SCARA5: variants seen among roughly 807,000 people sequenced by gnomAD.
The protein encoded by SCARA5 is scavenger receptor class A, member 5 (putative).
SCARA5 carries 45 observed loss-of-function variants against 46.3 expected under a neutral mutation model. The observed-to-expected ratio is 0.97, with a 90% CI of 0.76 to 1.24. The LOEUF is 1.24. Ranked by LOEUF, SCARA5 falls within the 50% of genes most tolerant of loss-of-function variation. SCARA5 has a pLI of 0.00. For synonymous variants in SCARA5, 333 were observed against 306.5 expected (o/e 1.09, Z -0.90); for missense variants, 680 against 689.0 (o/e 0.99, Z 0.15).
chr8:27,988,479 C>T (rs943596184), intron 1 of SCARA5, among the ~76,000 whole-genome samples: 38 of 152,266 alleles, frequency 2.5e-4, no homozygotes, highest in Middle Eastern at 3.4e-3. Flanking sequence ...GACATGCACG[C>T]GTAAGGTGCG....
chr8:27,991,103 A>C (rs967026215), intron 1 of SCARA5, among the ~76,000 whole-genome samples: 1 of 152,216 alleles, frequency 6.6e-6, no homozygotes, highest in Non-Finnish European at 1.5e-5. Context: ...CACAGAAGCC[A>C]AGGGCTCCCA....
At chr8:27,967,975 G>A (rs1405448185) in intron 2 of SCARA5, among the ~76,000 whole-genome samples, 1 of 152,106 alleles carries the variant, frequency 6.6e-6, no homozygotes, top group East Asian at 1.9e-4. Context: ...GGCAGAAAAA[G>A]GTTGTCAAGA....
chr8:27,921,135 T>C (rs1278792751), intron 4 of SCARA5, among the ~76,000 whole-genome samples: 2 of 152,204 alleles, frequency 1.3e-5, no homozygotes, highest in African/African-American at 4.8e-5. Flanking sequence ...TGGAATTCTC[T>C]AACTCCAGAT....
intron 3 of SCARA5, among the ~76,000 whole-genome samples, chr8:27,927,949 G>A (rs538916725): frequency 1.7e-4 from 26 of 152,204 alleles, no homozygotes; most frequent in African/African-American, 4.1e-4. Flanking sequence ...TTTTAGAAGC[G>A]GCCTTTTCAA....
intron 7 of SCARA5, among the ~76,000 whole-genome samples, chr8:27,887,773 A>T (rs542701777): frequency 6.6e-6 from 1 of 152,202 alleles, no homozygotes; most frequent in Admixed American, 6.5e-5. Flanking sequence ...CAAACATGGA[A>T]ATAAAAGAAA....
intron 3 of SCARA5, among the ~76,000 whole-genome samples, chr8:27,926,661 G>C (rs148124701): frequency 6.6e-5 from 10 of 152,300 alleles, no homozygotes; most frequent in African/African-American, 1.9e-4. Flanking sequence ...GTATAATCTA[G>C]ACCTTAACTA....
At chr8:27,960,424 G>T (rs1473083349) in intron 3 of SCARA5, among the ~76,000 whole-genome samples, 1 of 152,246 alleles carries the variant, frequency 6.6e-6, no homozygotes, top group African/African-American at 2.4e-5. Context: ...CAATCCTCCT[G>T]CCTCGGCCTC....
Position 27,871,876 on chromosome 8 carries a change from C to T in SCARA5, c.*58G>A. 1.9e-6 allele frequency: 3 copies of T among 1,610,332 alleles called. No individual in the cohort carries two copies. Among genetic ancestry groups the T allele is most frequent in the South Asian group, 1.1e-5 (1 of 90,882 alleles). On this transcript the variant is annotated 3_prime_UTR_variant, in exon 9 of 9. Coordinates refer to ENST00000354914, the MANE Select transcript of SCARA5 (RefSeq NM_173833.6). ...AGGGTGGCCCCGAGCTGTGCCCCAC[C>T]CCAGGGATGCAGGAAGGGTGCTCTG... is the stretch of plus-strand genomic sequence containing the variant.
At chr8:27,940,348 C>T (rs544987508) in intron 3 of SCARA5, among the ~76,000 whole-genome samples, 14 of 152,234 alleles carry the variant, frequency 9.2e-5, no homozygotes, top group Admixed American at 5.2e-4. Flanking sequence ...AAATTTCTCA[C>T]GTCACTGTTC....
chr8:27,905,454 G>A (rs1440352956), intron 6 of SCARA5, among the ~76,000 whole-genome samples: 1 of 146,936 alleles, frequency 6.8e-6, no homozygotes, highest in African/African-American at 2.5e-5. Context: ...AAAGCCCATG[G>A]GCATGCTGTC....
chr8:27,990,284 A>G (rs1214863936), intron 1 of SCARA5, among the ~76,000 whole-genome samples: 2 of 151,976 alleles, frequency 1.3e-5, no homozygotes, highest in African/African-American at 4.8e-5. Flanking sequence ...AACTCTACTC[A>G]TGTTTGTTAC....
intron 4 of SCARA5, among the ~76,000 whole-genome samples, chr8:27,915,752 C>A (rs1490945431): frequency 6.6e-6 from 1 of 152,198 alleles, no homozygotes. Context: ...GTGACTTCAG[C>A]CAATCATCTC....
rs182525151 is a variant in SCARA5, at chr8:27,958,959, G to T, written c.241+7455C>A. Among the ~76,000 whole-genome samples, 11 of 152,234 alleles carry T rather than the reference G, an allele frequency of 7.2e-5. No homozygotes were observed. In the East Asian group the frequency reaches 1.9e-3, roughly 27 times the overall value. On this transcript the variant is annotated intron_variant, in intron 3 of 8. Transcript: ENST00000354914. ...TAGAAAGTCTCATGAGAGGTCAGGCGCGGTGGCTCATGCCTGCAATCCCAG... is the reference window on the plus strand; with the variant it reads ...TAGAAAGTCTCATGAGAGGTCAGGCTCGGTGGCTCATGCCTGCAATCCCAG...
At chr8:27,874,516 G>C (rs1806692606) in intron 8 of SCARA5, among the ~76,000 whole-genome samples, 1 of 152,214 alleles carries the variant, frequency 6.6e-6, no homozygotes, top group Non-Finnish European at 1.5e-5. Context: ...CCACCCATTT[G>C]ATTGCATATT....
chr8:27,959,779 C>T (rs1252286871), intron 3 of SCARA5, among the ~76,000 whole-genome samples: 1 of 152,158 alleles, frequency 6.6e-6, no homozygotes, highest in Non-Finnish European at 1.5e-5. Flanking sequence ...TTGGGAAAAG[C>T]ACAACACCAT....
At chr8:27,903,203 G>C (rs2129742669) in intron 7 of SCARA5, 1 of 152,358 alleles carries the variant, frequency 6.6e-6, no homozygotes, top group East Asian at 1.9e-4. Context: ...ACCATCCTGA[G>C]TGTGCTTGAT....
rs61737287 is a variant in SCARA5, at chr8:27,872,010, C to T, written c.1412G>A (p.Arg471His). Residue 471 changes from arginine to histidine, a missense_variant, in exon 9 of 9, where the codon CGC (arginine) becomes CAC (histidine). Arg to His is a conservative substitution (Grantham distance 29). Coordinates refer to ENST00000354914, the MANE Select transcript of SCARA5 (RefSeq NM_173833.6). Reference protein sequence around the residue: ...ACKGTEETIFRCSFSKWGVTN... With the variant: ...ACKGTEETIFHCSFSKWGVTN... ...CACCCCCCATTTGGAGAAGCTGCAG[C>T]GGAAGATGGTTTCCTCTGTGCCCTT... 4.5e-3 allele frequency: 7,335 copies of T among 1,614,194 alleles called. 259 individuals are homozygous for T. The African/African-American group carries it at 0.079, about 17-fold the overall frequency.
At chr8:27,990,201 G>T (rs973334408) in intron 1 of SCARA5, among the ~76,000 whole-genome samples, 1 of 152,246 alleles carries the variant, frequency 6.6e-6, no homozygotes, top group Non-Finnish European at 1.5e-5. Flanking sequence ...GGAGCCCAGG[G>T]GATCTGCTGG....
intron 3 of SCARA5, among the ~76,000 whole-genome samples, chr8:27,931,462 C>G (rs1482141970): frequency 6.6e-6 from 1 of 152,088 alleles, no homozygotes; most frequent in Non-Finnish European, 1.5e-5. Context: ...CCCCTCCTCT[C>G]TATCCCCAGT....
Sources: allele counts gnomAD v4.1 joint callset (sites outside exome capture counted in the v4.1 genomes callset), GRCh38; gene constraint gnomAD v4.1.1; transcripts MANE v1.5; gene names NCBI Gene and HGNC (gene_info 2026-07-23, HGNC 2026-07-21).